The following NCKAP5 variants were observed in gnomAD, a reference collection of about 807,000 sequenced individuals.
The protein encoded by NCKAP5 is NCK associated protein 5.
Under a neutral mutation model 167.0 loss-of-function variants are expected in NCKAP5, and 92 were observed. The ratio of observed to expected loss-of-function variants is 0.55; its 90% CI spans 0.47 to 0.66. The LOEUF is 0.66. Ranked by LOEUF, NCKAP5 falls within the 30% of genes least tolerant of loss-of-function variation. The pLI is 0.00. For synonymous variants in NCKAP5, 891 were observed against 877.4 expected (o/e 1.02, Z -0.27); for missense variants, 2,378 against 2,315.0 (o/e 1.03, Z -0.56).
intron 3 of NCKAP5, among the ~76,000 whole-genome samples, chr2:133,303,532 T>C (rs1241303485): frequency 1.3e-5 from 2 of 152,182 alleles, no homozygotes; most frequent in Non-Finnish European, 2.9e-5. Context: ...CTATGTAGAA[T>C]GTTTTATATA....
At chr2:133,430,691 C>A (rs901436191) in intron 3 of NCKAP5, among the ~76,000 whole-genome samples, 2 of 151,904 alleles carry the variant, frequency 1.3e-5, no homozygotes, top group Non-Finnish European at 2.9e-5. Context: ...GAGTGTAGAG[C>A]TTTATTTCAG....
At chr2:133,396,320 CT>C (rs1687728332) in intron 3 of NCKAP5, among the ~76,000 whole-genome samples, 1 of 152,012 alleles carries the variant, frequency 6.6e-6, no homozygotes, top group Admixed American at 6.6e-5. Context: ...CTCCATTTAC[CT>C]GGCCTCAGCT....
At chr2:133,314,716 T>G (rs2150633394) in intron 3 of NCKAP5, among the ~76,000 whole-genome samples, 1 of 152,256 alleles carries the variant, frequency 6.6e-6, no homozygotes, top group South Asian at 2.1e-4. Flanking sequence ...TGCATGAAGG[T>G]AACATTTTTG....
intron 11 of NCKAP5, among the ~76,000 whole-genome samples, chr2:132,828,862 G>A (rs2105355444): frequency 6.6e-6 from 1 of 152,268 alleles, no homozygotes; most frequent in African/African-American, 2.4e-5. Flanking sequence ...TCCTGCCCTA[G>A]ATGCCCAATA....
chr2:133,480,487 G>A (rs550252941), intron 3 of NCKAP5, among the ~76,000 whole-genome samples: 71 of 151,920 alleles, frequency 4.7e-4, no homozygotes, highest in African/African-American at 1.6e-3. Context: ...TCTGTCCTGG[G>A]GTTTCTCTGA....
intron 11 of NCKAP5, among the ~76,000 whole-genome samples, chr2:132,805,993 C>G (rs1685404770): frequency 6.6e-6 from 1 of 152,216 alleles, no homozygotes; most frequent in African/African-American, 2.4e-5. Context: ...GTCCTCATAG[C>G]TTAGCTCTCA....
At chr2:133,294,838 G>A (rs1450160233) in intron 4 of NCKAP5, among the ~76,000 whole-genome samples, 1 of 152,082 alleles carries the variant, frequency 6.6e-6, no homozygotes. Flanking sequence ...TAAAAATCTT[G>A]GATATATAAA....
At chr2:133,580,304 GCAAATTATTTATA>G in the NCKAP5 span, among the ~76,000 whole-genome samples, 1 of 152,152 alleles carries the variant, frequency 6.6e-6, no homozygotes, top group Non-Finnish European at 1.5e-5. Flanking sequence ...ATCCTATGTT[GCAAATTATTTATA>G]CTTCAAGTCT....
intron 3 of NCKAP5, among the ~76,000 whole-genome samples, chr2:133,382,735 A>C (rs1486610617): frequency 6.6e-6 from 1 of 152,106 alleles, no homozygotes. Flanking sequence ...TTCTTAGGAG[A>C]CTTTCATCTG....
At chr2:132,792,434 C>T (rs1162087471) in intron 12 of NCKAP5, among the ~76,000 whole-genome samples, 1 of 152,244 alleles carries the variant, frequency 6.6e-6, no homozygotes, top group East Asian at 1.9e-4. Context: ...ACTGCCATTT[C>T]AGCCTCAGCC....
chr2:133,104,277 T>C (rs1405312087), intron 6 of NCKAP5, among the ~76,000 whole-genome samples: 1 of 152,260 alleles, frequency 6.6e-6, no homozygotes, highest in Non-Finnish European at 1.5e-5. Context: ...TGCTACCTGC[T>C]GAACACCTAA....
In NCKAP5 at chr2:133,562,272, G is replaced by A. The variant is rs151298698; in HGVS notation, c.-129-3155C>T. Reference sequence around the variant, plus strand: ...ACACATACTCAATGTTTATATATATGAGCATGTTAGAGCTATTGTTTAGTA... The same window carrying A: ...ACACATACTCAATGTTTATATATATAAGCATGTTAGAGCTATTGTTTAGTA... On this transcript the variant is annotated intron_variant, in intron 1 of 19. Transcript: ENST00000409261. Among the ~76,000 whole-genome samples, 800 of 152,094 alleles carry A rather than the reference G, an allele frequency of 5.3e-3. 6 individuals carry two copies. Among genetic ancestry groups the A allele is most frequent in the Middle Eastern group, 0.024 (7 of 290 alleles).
intron 11 of NCKAP5, among the ~76,000 whole-genome samples, chr2:132,835,502 A>G (rs1291131656): frequency 6.6e-6 from 1 of 151,294 alleles, no homozygotes; most frequent in Non-Finnish European, 1.5e-5. Flanking sequence ...AGCTTTCGCC[A>G]TTTGTAATTC....
At chr2:133,190,657 G>C (rs1185991905) in intron 5 of NCKAP5, among the ~76,000 whole-genome samples, 1 of 152,004 alleles carries the variant, frequency 6.6e-6, no homozygotes, top group Non-Finnish European at 1.5e-5. Flanking sequence ...CTGACAAAAA[G>C]AAGAAATGGG....
chr2:133,541,247 A>G (rs1351577779), intron 2 of NCKAP5, among the ~76,000 whole-genome samples: 2 of 150,732 alleles, frequency 1.3e-5, no homozygotes, highest in East Asian at 3.9e-4. Flanking sequence ...TGTCTTTCCT[A>G]CTTTGTTAAA....
intron 8 of NCKAP5, among the ~76,000 whole-genome samples, chr2:132,962,178 A>G (rs2149199294): frequency 6.6e-6 from 1 of 152,154 alleles, no homozygotes; most frequent in East Asian, 1.9e-4. Context: ...TTATATTGTT[A>G]ATCACTGTGC....
rs565184304 is a variant in NCKAP5 at position 133,252,969 on chromosome 2, G to A, written c.144-39190C>T. Among the ~76,000 whole-genome samples, 174 of 152,344 alleles carry A rather than the reference G, an allele frequency of 1.1e-3. 3 individuals are homozygous for A. The highest frequency in any genetic ancestry group is 0.011 in the South Asian group (54 of 4,832). ...GTCTGCAGATAGCAACTTGTGGCAC[G>A]TGAGGTGAAGACTCTGTCAGTCCCA... On this transcript the variant is annotated intron_variant, in intron 4 of 19. Transcript: ENST00000409261.
intron 8 of NCKAP5, among the ~76,000 whole-genome samples, chr2:132,938,850 T>A (rs1393675852): frequency 6.6e-6 from 1 of 152,094 alleles, no homozygotes; most frequent in Non-Finnish European, 1.5e-5. Context: ...CAAAACACCA[T>A]TGACAAAGGT....
intron 16 of NCKAP5, among the ~76,000 whole-genome samples, chr2:132,737,130 T>C (rs1245125460): frequency 6.6e-6 from 1 of 152,120 alleles, no homozygotes; most frequent in Non-Finnish European, 1.5e-5. Flanking sequence ...ATAGGAAATA[T>C]ACAGTTGGTT....
Sources: allele counts gnomAD v4.1 joint callset (sites outside exome capture counted in the v4.1 genomes callset), GRCh38; gene constraint gnomAD v4.1.1; transcripts MANE v1.5; gene names NCBI Gene and HGNC (gene_info 2026-07-23, HGNC 2026-07-21).